The following ACSBG1 variants were observed in gnomAD, a reference collection of about 807,000 sequenced individuals.
The protein encoded by ACSBG1 is acyl-CoA synthetase bubblegum family member 1.
ACSBG1 carries 39 observed loss-of-function variants against 80.2 expected under a neutral mutation model. The observed-to-expected ratio is 0.49, with a 90% CI of 0.38 to 0.64. ACSBG1 has a LOEUF of 0.64. ACSBG1 is among the 30% of genes least tolerant of loss of function. ACSBG1 has a pLI of 0.00. For missense variants in ACSBG1, 828 were observed against 966.4 expected (o/e 0.86, Z 1.90); for synonymous variants, 392 against 379.5 (o/e 1.03, Z -0.38).
At position 78,169,870 on chromosome 15, in the gene ACSBG1, G is replaced by A. The variant is rs2074798227; in HGVS notation, c.*1574C>T. On this transcript the variant is annotated 3_prime_UTR_variant, in exon 14 of 14. Transcript: ENST00000258873. ...AACTTATTCTTGCATGTTGCTGTCT[G>A]GGAATGGACCACACTACAGCAGGTA... The A allele has an allele frequency of 6.6e-6, 1 of 152,198 alleles. No individual in the cohort carries two copies. The highest frequency in any genetic ancestry group is 2.1e-4 in the South Asian group (1 of 4,832). 9.4% of individuals were successfully genotyped at this position (152,198 alleles called of 1,614,324 possible).
chr15:78,234,479 C>G lies in ACSBG1; in HGVS notation c.23G>C (p.Gly8Ala). ...GGGGTCCCCGTGTGGGCAGCCGTATCCAGCTCCAGAATTGCGTGGCATCTG... is the reference window on the plus strand; with the variant it reads ...GGGGTCCCCGTGTGGGCAGCCGTATGCAGCTCCAGAATTGCGTGGCATCTG... MPRNSGA[G>A]YGCPHGDPSM... The change falls in exon 1 of 14, where the codon GGA becomes GCA. Residue 8 changes from glycine to alanine, a missense_variant. Gly to Ala is a moderately conservative substitution (Grantham distance 60, BLOSUM62 0). Transcript: ENST00000258873. 1 of 1,612,178 alleles carries G rather than the reference C, an allele frequency of 6.2e-7. No homozygotes were observed. The highest frequency in any genetic ancestry group is 8.5e-7 in the Non-Finnish European group (1 of 1,180,010).
intron 1 of ACSBG1, among the ~76,000 whole-genome samples, chr15:78,233,313 C>A (rs1037886300): frequency 6.6e-6 from 1 of 152,190 alleles, no homozygotes; most frequent in African/African-American, 2.4e-5. Flanking sequence ...CTCGGAGGGG[C>A]CTCTGCATCT....
At position 78,208,884 on chromosome 15, in the gene ACSBG1, C is replaced by T. The variant is rs140857047; in HGVS notation, c.132-782G>A. Among the ~76,000 whole-genome samples the T allele has an allele frequency of 2.0e-5, 3 of 152,364 alleles. 1 individual carries two copies. The highest frequency in any genetic ancestry group is 6.8e-3 in the Middle Eastern group (2 of 294). The stretch of plus-strand genomic sequence containing the variant: ...CATTTTTCCTCAGAGTTCACCTGGC[C>T]AGACCTCAACCTCCTAGATGGCTGA... On this transcript the variant is annotated intron_variant, in intron 1 of 13. Transcript: ENST00000258873.
rs1567097257 is a variant in ACSBG1, at chr15:78,217,569, T to TAA, written c.132-9468_132-9467insTT. ...ATCATCAGACCCTTTTGGAAAAATT[T>TAA]TTTTTTTTTTTTTTGAGATGGAGTC... On this transcript the variant is annotated intron_variant, in intron 1 of 13. Coordinates refer to ENST00000258873, the MANE Select transcript of ACSBG1 (RefSeq NM_015162.5). Among the ~76,000 whole-genome samples the TAA allele has an allele frequency of 2.9e-3, 401 of 140,396 alleles. 5 individuals carry two copies. Among genetic ancestry groups the TAA allele is most frequent in the African/African-American group, 9.2e-3 (339 of 36,844 alleles). 92.1% of individuals were successfully genotyped at this position (140,396 alleles called of 152,430 possible).
intron 3 of ACSBG1, among the ~76,000 whole-genome samples, chr15:78,194,256 C>T (rs1259298646): frequency 6.6e-6 from 1 of 152,262 alleles, no homozygotes; most frequent in Non-Finnish European, 1.5e-5. Flanking sequence ...ACTGGGCTTC[C>T]AGCCCACCCT....
intron 5 of ACSBG1, among the ~76,000 whole-genome samples, chr15:78,187,028 A>G (rs1318248746): frequency 6.6e-5 from 10 of 152,228 alleles, no homozygotes; most frequent in Non-Finnish European, 1.5e-4. Context: ...AACTACCATC[A>G]GAGAATACTA....
chr15:78,232,994 C>T lies in ACSBG1; in HGVS notation c.131+1377G>A, dbSNP rs143281694. 4.7e-3 allele frequency among the ~76,000 whole-genome samples: 715 copies of T among 152,342 alleles called. 10 individuals carry two copies. The highest frequency in any genetic ancestry group is 0.016 in the African/African-American group (672 of 41,578). Reference sequence around the variant, plus strand: ...TCATGCATGGCCTCTGGACATATTTCGATGTGCTCCTCTGAGCATCTCGCC... The same window carrying T: ...TCATGCATGGCCTCTGGACATATTTTGATGTGCTCCTCTGAGCATCTCGCC... On this transcript the variant is annotated intron_variant, in intron 1 of 13. Coordinates refer to ENST00000258873, the MANE Select transcript of ACSBG1 (RefSeq NM_015162.5).
chr15:78,223,207 C>A (rs2075372459), intron 1 of ACSBG1, among the ~76,000 whole-genome samples: 1 of 128,358 alleles, frequency 7.8e-6, no homozygotes, highest in Non-Finnish European at 1.5e-5. Context: ...TGTTGGAGAG[C>A]ATGTGAAGAA....
rs1369302164 is a variant in ACSBG1 at position 78,178,816 on chromosome 15, C to T, written c.1500G>A (p.Val500=). ...NYRLYSSGKL[V]PGCRVKLVNQ... is the part of the protein sequence containing the mutation. The stretch of plus-strand genomic sequence containing the variant: ...TCACCAGCTTCACCCGACAGCCGGG[C>T]ACCAACTTGCCTGAGCTGGCGAGGG... The change falls in exon 11 of 14, where the codon GTG becomes GTA. Residue 500 remains valine (V), a synonymous_variant. Transcript: ENST00000258873. This position sits in a 1 kb window ranked among gnomAD's most constrained non-coding sequence, Gnocchi z 4.3. 1 of 1,612,288 alleles carries T rather than the reference C, an allele frequency of 6.2e-7. No homozygotes were observed. The highest frequency in any genetic ancestry group is 1.3e-5 in the African/African-American group (1 of 75,056).
At chr15:78,230,772 T>C (rs1210724041) in intron 1 of ACSBG1, among the ~76,000 whole-genome samples, 1 of 152,212 alleles carries the variant, frequency 6.6e-6, no homozygotes, top group Non-Finnish European at 1.5e-5. Flanking sequence ...TCTTCTGCCA[T>C]GATTGTAAGG....
At position 78,169,009 on chromosome 15, in the gene ACSBG1, T is replaced by C; in HGVS notation, c.*2435A>G. 2 of 1,575,902 alleles carry C rather than the reference T, an allele frequency of 1.3e-6. No individual in the cohort carries two copies. The highest frequency in any genetic ancestry group is 1.7e-6 in the Non-Finnish European group (2 of 1,147,630). On this transcript the variant is annotated 3_prime_UTR_variant, in exon 14 of 14. Coordinates refer to ENST00000258873, the MANE Select transcript of ACSBG1 (RefSeq NM_015162.5). ...CCGAGTAAAAGATTTAGATTAACAC[T>C]TCTACAACTGGCATTTACATCAGTC...
intron 1 of ACSBG1, among the ~76,000 whole-genome samples, chr15:78,227,027 C>T (rs1432130655): frequency 1.3e-5 from 2 of 150,668 alleles, no homozygotes; most frequent in Admixed American, 6.6e-5. Context: ...CAAGACCAGA[C>T]TGGGCAACAT....
Position 78,182,728 on chromosome 15 carries a change from T to C in ACSBG1, c.721A>G (p.Asn241Asp). 1 of 1,614,228 alleles carries C rather than the reference T, an allele frequency of 6.2e-7. No homozygotes were observed. Among genetic ancestry groups the C allele is most frequent in the South Asian group, 1.1e-5 (1 of 91,088 alleles). ...AVVIYKEPPPNKMANVYTMEE... is the reference protein window; with the variant it reads ...AVVIYKEPPPDKMANVYTMEE... Reference sequence around the variant, plus strand: ...ACCGTGTACACATTGGCCATCTTGTTTGGAGGAGGTTCTTTATATATCACG... The same window carrying C: ...ACCGTGTACACATTGGCCATCTTGTCTGGAGGAGGTTCTTTATATATCACG... Residue 241 changes from asparagine (N) to aspartate (D), a missense_variant, in exon 6 of 14, where the codon AAC becomes GAC. Physicochemically the swap from Asn to Asp is conservative, Grantham distance 23. This residue lies in a region of ACSBG1 where 356 missense variants were observed against 363.5 expected (regional missense o/e 0.98). Transcript: ENST00000258873.
chr15:78,195,120 A>G (rs1216999539), intron 2 of ACSBG1, among the ~76,000 whole-genome samples: 1 of 152,124 alleles, frequency 6.6e-6, no homozygotes, highest in Non-Finnish European at 1.5e-5. Flanking sequence ...CAGGTTGGGG[A>G]CAGATCCAGC....
At chr15:78,173,117 G>A (rs1258721202) in intron 13 of ACSBG1, among the ~76,000 whole-genome samples, 1 of 151,966 alleles carries the variant, frequency 6.6e-6, no homozygotes, top group Admixed American at 6.6e-5. Context: ...AGGCCGAGGC[G>A]GGCGGATCAC....
rs1235375412 is a variant in ACSBG1, at chr15:78,172,235, A to G, written c.2090-706T>C. On this transcript the variant is annotated intron_variant, in intron 13 of 13. Transcript: ENST00000258873. The surrounding 1 kb of genome is among the most constrained non-coding windows in gnomAD (Gnocchi z 4.1). ...GGATTCTTGACCCATAGAAATGTGG[A>G]TAATAAATGTTTACTGCTTTAGGCT... Among the ~76,000 whole-genome samples, 1 of 152,258 alleles carries G rather than the reference A, an allele frequency of 6.6e-6. No individual in the cohort carries two copies. The highest frequency in any genetic ancestry group is 1.5e-5 in the Non-Finnish European group (1 of 68,040).
rs984046239 is a variant in ACSBG1 at position 78,181,900 on chromosome 15, G to C, written c.1071+69C>G. 3.9e-6 allele frequency: 6 copies of C among 1,554,164 alleles called. No individual in the cohort carries two copies. In the East Asian group the frequency reaches 1.1e-4, roughly 29 times the overall value. On this transcript the variant is annotated intron_variant, in intron 8 of 13. Coordinates refer to ENST00000258873, the MANE Select transcript of ACSBG1 (RefSeq NM_015162.5). ...CAGCACACACACAAATGCACTCAGGGCCCACAGACACATGTGGACGTGGCC... is the reference window on the plus strand; with the variant it reads ...CAGCACACACACAAATGCACTCAGGCCCCACAGACACATGTGGACGTGGCC...
chr15:78,207,693 C>T (rs1027753668), intron 2 of ACSBG1: 4 of 371,244 alleles, frequency 1.1e-5, no homozygotes, highest in African/African-American at 8.0e-5. Flanking sequence ...TTTGCTGGAG[C>T]CCCAAGTTCC....
chr15:78,231,184 G>A (rs1478637785), intron 1 of ACSBG1, among the ~76,000 whole-genome samples: 9 of 151,936 alleles, frequency 5.9e-5, no homozygotes, highest in Non-Finnish European at 8.8e-5. Context: ...GCAATGGCAC[G>A]ATCTCAGCTC....
Sources: allele counts gnomAD v4.1 joint callset (sites outside exome capture counted in the v4.1 genomes callset), GRCh38; gene constraint gnomAD v4.1.1; regional missense constraint gnomAD v4.1.1; non-coding constraint Gnocchi (gnomAD v3.1); transcripts MANE v1.5; gene names NCBI Gene and HGNC (gene_info 2026-07-23, HGNC 2026-07-21).